Variants in ST18 observed in about 807,000 individuals in gnomAD.
ST18 encodes suppression of tumorigenicity 18 protein.
In ST18, 50 loss-of-function variants were observed where a neutral mutation model predicts 110.0. That is an observed-to-expected ratio of 0.45 (90% confidence interval 0.36 to 0.58). The LOEUF (loss-of-function observed/expected upper bound fraction) is 0.58, where lower values mean the gene tolerates loss of function less well. ST18 is among the 20% of genes least tolerant of loss of function. The pLI, the probability that ST18 is intolerant of heterozygous loss-of-function variation, is 0.00. For synonymous variants in ST18, 461 were observed against 452.4 expected, an observed-to-expected ratio of 1.02 and a Z score of -0.24; for missense variants, 1,306 against 1,280.1, an observed-to-expected ratio of 1.02 and a Z score of -0.31.
chr8:52,193,178 G>A (rs2075136007), intron 8 of ST18, among the ~76,000 whole-genome samples: 1 of 152,186 alleles, frequency 6.6e-6, no homozygotes, highest in African/African-American at 2.4e-5. Flanking sequence ...TGAAGGGAAT[G>A]GGTAGAAGTA....
chr8:52,362,311 T>C (rs552539114), intron 2 of ST18, among the ~76,000 whole-genome samples: 1 of 152,340 alleles, frequency 6.6e-6, no homozygotes, highest in African/African-American at 2.4e-5. Context: ...ATTAGGCTCA[T>C]TTAGCAATTT....
chr8:52,110,884 G>C lies in ST18; in HGVS notation c.*2314C>G. 1 of 389,832 alleles carries C rather than the reference G, an allele frequency of 2.6e-6. No homozygotes were observed. Among genetic ancestry groups the C allele is most frequent in the Non-Finnish European group, 4.5e-6 (1 of 220,486 alleles). 24.1% of individuals were successfully genotyped at this position (389,832 alleles called of 1,614,324 possible). On this transcript the variant is annotated 3_prime_UTR_variant, in exon 26 of 26. Coordinates refer to ENST00000689386, the MANE Select transcript of ST18 (RefSeq NM_001352837.2). ...TACCATACACCAAATGTACAGCACT[G>C]AACACAATTTTGTTGCTTTGATGTA...
At chr8:52,320,088 A>ATC (rs1471240454) in intron 2 of ST18, among the ~76,000 whole-genome samples, 104 of 152,348 alleles carry the variant, frequency 6.8e-4, no homozygotes, top group African/African-American at 2.4e-3. Context: ...ATTTGGGCCT[A>ATC]TATTTTAAAA....
chr8:52,346,864 G>A lies in ST18; in HGVS notation c.-465+62464C>T, dbSNP rs150693922. Among the ~76,000 whole-genome samples, 33 of 152,272 alleles carry A rather than the reference G, an allele frequency of 2.2e-4. No homozygotes were observed. In the East Asian group the frequency reaches 6.2e-3, roughly 29 times the overall value. On this transcript the variant is annotated intron_variant, in intron 2 of 25. Coordinates refer to ENST00000689386, the MANE Select transcript of ST18 (RefSeq NM_001352837.2). Reference sequence around the variant, plus strand: ...ATGATTTTAGGAAAAAACAATGGGAGATGAACAATCTCTGGGGGAGAAAGG... The same window carrying A: ...ATGATTTTAGGAAAAAACAATGGGAAATGAACAATCTCTGGGGGAGAAAGG...
At chr8:52,340,766 C>T (rs1363431747) in intron 2 of ST18, among the ~76,000 whole-genome samples, 1 of 152,212 alleles carries the variant, frequency 6.6e-6, no homozygotes, top group African/African-American at 2.4e-5. Flanking sequence ...GCTGTTTGTT[C>T]TCCACCTACT....
At chr8:52,157,484 T>A in intron 15 of ST18, among the ~76,000 whole-genome samples, 1 of 152,144 alleles carries the variant, frequency 6.6e-6, no homozygotes, top group East Asian at 1.9e-4. Flanking sequence ...GCTACTAGAA[T>A]AGATACCTTT....
intron 6 of ST18, 90 bp from the exon 7 acceptor site, chr8:52,214,347 G>GA: frequency 7.2e-7 from 1 of 1,388,406 alleles, no homozygotes; most frequent in East Asian, 2.3e-5. Flanking sequence ...AGGTCATTAT[G>GA]AAAAACAGTA....
At chr8:52,224,350 C>T (rs1330089582) in intron 3 of ST18, among the ~76,000 whole-genome samples, 1 of 152,132 alleles carries the variant, frequency 6.6e-6, no homozygotes, top group Non-Finnish European at 1.5e-5. Context: ...AGTTGATGAA[C>T]AAAAATTATG....
intron 2 of ST18, among the ~76,000 whole-genome samples, chr8:52,301,368 T>C (rs1437293839): frequency 6.6e-6 from 1 of 152,222 alleles, no homozygotes; most frequent in South Asian, 2.1e-4. Context: ...AATGATGTGC[T>C]ATAAACAAGT....
At chr8:52,182,000 ATAGT>A (rs1278032777) in intron 8 of ST18, among the ~76,000 whole-genome samples, 2 of 152,114 alleles carry the variant, frequency 1.3e-5, no homozygotes. Context: ...GATGAAAAGG[ATAGT>A]TAAAGTATCC....
At position 52,133,294 on chromosome 8, in the gene ST18, T is replaced by C. The variant is rs746636705; in HGVS notation, c.2308A>G (p.Thr770Ala). Residue 770 changes from threonine (T) to alanine (A), a missense_variant, in exon 20 of 26, where the codon ACC becomes GCC. Transcript: ENST00000689386. ...AANSQELKCP[T>A]PGCDGSGHVT... ...TGCCCCGAGCCATCGCAGCCTGGGG[T>C]TGGACACCTGGAAGGCACAGGAAGA... 1.2e-6 allele frequency: 2 copies of C among 1,614,080 alleles called. No individual in the cohort carries two copies. Among genetic ancestry groups the C allele is most frequent in the Admixed American group, 1.7e-5 (1 of 60,008 alleles).
At chr8:52,392,955 T>TA (rs1187697877) in intron 2 of ST18, among the ~76,000 whole-genome samples, 1 of 152,206 alleles carries the variant, frequency 6.6e-6, no homozygotes, top group Non-Finnish European at 1.5e-5. Context: ...TGATGCTGTG[T>TA]AAAGGGAGTA....
chr8:52,299,239 T>A (rs1369266309), intron 2 of ST18, among the ~76,000 whole-genome samples: 1 of 152,182 alleles, frequency 6.6e-6, no homozygotes, highest in East Asian at 1.9e-4. Flanking sequence ...TCTTAGCTAC[T>A]CTTTCATAGT....
chr8:52,388,496 T>C (rs1170788632), intron 2 of ST18, among the ~76,000 whole-genome samples: 1 of 152,134 alleles, frequency 6.6e-6, no homozygotes, highest in East Asian at 1.9e-4. Flanking sequence ...ATAAAAGTGC[T>C]AGCGTTTTTA....
At chr8:52,160,492 G>T (rs1327581867) in intron 14 of ST18, among the ~76,000 whole-genome samples, 7 of 152,170 alleles carry the variant, frequency 4.6e-5, no homozygotes, top group Admixed American at 4.6e-4. Context: ...AGTTTCCATA[G>T]CCTGGTGCAA....
chr8:52,178,494 G>C (rs2067797787), intron 9 of ST18, among the ~76,000 whole-genome samples: 1 of 151,226 alleles, frequency 6.6e-6, no homozygotes, highest in Non-Finnish European at 1.5e-5. Context: ...GGGTGTGGCT[G>C]TAATCCCAGC....
At chr8:52,283,258 C>A (rs1156836787) in intron 2 of ST18, among the ~76,000 whole-genome samples, 1 of 152,198 alleles carries the variant, frequency 6.6e-6, no homozygotes, top group Non-Finnish European at 1.5e-5. Flanking sequence ...TCGTGCCTAA[C>A]CCGCCATGAT....
At chr8:52,116,196 G>T in intron 25 of ST18, 79 bp downstream of exon 25, 1 of 1,528,138 alleles carries the variant, frequency 6.5e-7, no homozygotes, top group Non-Finnish European at 8.8e-7. Context: ...AAGCTCAGTC[G>T]TGGCAACCCC....
At chr8:52,363,694 A>T (rs1202278525) in intron 2 of ST18, among the ~76,000 whole-genome samples, 1 of 152,118 alleles carries the variant, frequency 6.6e-6, no homozygotes. Flanking sequence ...AACTCTTCAG[A>T]CCCTCAATTT....
Sources: allele counts gnomAD v4.1 joint callset (sites outside exome capture counted in the v4.1 genomes callset), GRCh38; gene constraint gnomAD v4.1.1; transcripts MANE v1.5; gene names NCBI Gene and HGNC (gene_info 2026-07-23, HGNC 2026-07-21).